The following ARHGAP32 variants were observed in gnomAD, a reference collection of about 807,000 sequenced individuals.
ARHGAP32 encodes the protein Rho GTPase activating protein 32.
A neutral mutation model predicts 186.5 loss-of-function variants in ARHGAP32; 51 were observed. That is an observed-to-expected ratio of 0.27 (90% CI 0.22 to 0.35). The LOEUF is 0.35. Among genes scored for constraint, ARHGAP32 ranks in the 10% least tolerant of loss-of-function variants. ARHGAP32 has a pLI of 1.00. For missense variants in ARHGAP32, 2,186 were observed against 2,623.5 expected (o/e 0.83, Z 3.64); for synonymous variants, 950 against 964.3 (o/e 0.99, Z 0.27).
rs1027393458 is a variant in ARHGAP32, at chr11:128,972,870, CAAG to C, written c.3633_3635del (p.Phe1211del). The C allele has an allele frequency of 2.0e-5, 32 of 1,613,776 alleles. No individual in the cohort carries two copies. The African/African-American group carries it at 3.9e-4, about 20-fold the overall frequency. On this transcript the variant is annotated inframe_deletion, in exon 22 of 23. Coordinates refer to ENST00000682385, the MANE Select transcript of ARHGAP32 (RefSeq NM_001378024.1). Reference sequence around the variant, plus strand: ...AACGGGGTGGAGACTGGTCCTGATCCAAGAAGGAGACAGTTGGCATACTGTTCT... The same window carrying C: ...AACGGGGTGGAGACTGGTCCTGATCCAAGGAGACAGTTGGCATACTGTTCT...
chr11:129,093,746 CATG>C (rs1204493628), intron 5 of ARHGAP32, 39 bp from the exon 6 acceptor site: 4 of 1,399,770 alleles, frequency 2.9e-6, no homozygotes, highest in Non-Finnish European at 4.0e-6. Flanking sequence ...GAAAGAAAGT[CATG>C]ATTAGTAAAC....
chr11:129,137,226 A>G (rs1044684918), intron 2 of ARHGAP32, among the ~76,000 whole-genome samples: 22 of 151,860 alleles, frequency 1.4e-4, no homozygotes, highest in African/African-American at 5.1e-4. Flanking sequence ...GTTTTCTTAC[A>G]CTTAAAAAAA....
chr11:129,017,379 G>A (rs1398955274), intron 11 of ARHGAP32, among the ~76,000 whole-genome samples: 4 of 151,222 alleles, frequency 2.6e-5, no homozygotes, highest in Admixed American at 1.3e-4. Flanking sequence ...ACCTGGAGGC[G>A]GAGGCTGCAG....
intron 1 of ARHGAP32, among the ~76,000 whole-genome samples, chr11:129,269,140 T>C (rs923207034): frequency 2.6e-5 from 4 of 151,918 alleles, no homozygotes; most frequent in African/African-American, 9.7e-5. Flanking sequence ...GACGTGGTGG[T>C]GCACACCTGT....
At chr11:129,272,741 A>G (rs11221630) in intron 1 of ARHGAP32, among the ~76,000 whole-genome samples, 46,942 of 152,136 alleles carry the variant, frequency 0.31, 7,584 homozygotes, top group Middle Eastern at 0.4. Flanking sequence ...GAAAACTGCT[A>G]GAATAGAAGA....
intron 15 of ARHGAP32, 143 bp downstream of exon 15, chr11:128,985,852 GTGTGTGTA>G (rs1215291783): frequency 4.3e-4 from 56 of 129,804 alleles, no homozygotes; most frequent in African/African-American, 5.7e-4. Context: ...GTGTGTGTGT[GTGTGTGTA>G]TATATATATA....
intron 1 of ARHGAP32, among the ~76,000 whole-genome samples, chr11:129,223,459 T>C (rs1368608567): frequency 1.3e-5 from 2 of 152,082 alleles, no homozygotes; most frequent in Admixed American, 6.6e-5. Flanking sequence ...GGCAGTGAAA[T>C]AGACTCTAGG....
At chr11:129,070,695 TA>T (rs914772215) in intron 6 of ARHGAP32, among the ~76,000 whole-genome samples, 17 of 152,166 alleles carry the variant, frequency 1.1e-4, no homozygotes, top group African/African-American at 3.6e-4. Flanking sequence ...TCTGTGAGTC[TA>T]AAATCGTTGT....
In ARHGAP32 at chr11:128,974,785, T is replaced by C; in HGVS notation, c.2412A>G (p.Val804=). Residue 804 remains valine, a synonymous_variant, in exon 21 of 23, where the codon GTA becomes GTG. Coordinates refer to ENST00000682385, the MANE Select transcript of ARHGAP32 (RefSeq NM_001378024.1). The part of the protein sequence containing the change: ...DVDLSPPDIG[V]ASLDFDPMSF... ...ACATTGGATCAAAATCCAGGCTGGCTACTCCAATGTCTGGTGGGCTCAAGT... is the reference window on the plus strand; with the variant it reads ...ACATTGGATCAAAATCCAGGCTGGCCACTCCAATGTCTGGTGGGCTCAAGT... 1.2e-6 allele frequency: 2 copies of C among 1,614,184 alleles called. No homozygotes were observed. The highest frequency in any genetic ancestry group is 1.7e-6 in the Non-Finnish European group (2 of 1,180,008).
At chr11:129,013,006 T>A (rs2134837897) in intron 11 of ARHGAP32, among the ~76,000 whole-genome samples, 1 of 152,308 alleles carries the variant, frequency 6.6e-6, no homozygotes, top group South Asian at 2.1e-4. Context: ...CAACTGGACT[T>A]CCCAGGACAT....
At chr11:129,152,474 C>T (rs1261687480) in intron 2 of ARHGAP32, among the ~76,000 whole-genome samples, 2 of 152,046 alleles carry the variant, frequency 1.3e-5, no homozygotes, top group Non-Finnish European at 2.9e-5. Flanking sequence ...AACACAGATA[C>T]AAAAATCCTC....
intron 5 of ARHGAP32, among the ~76,000 whole-genome samples, chr11:129,098,259 G>A (rs559075894): frequency 6.6e-6 from 1 of 151,948 alleles, no homozygotes; most frequent in Non-Finnish European, 1.5e-5. Context: ...TAATGAAGAA[G>A]TAAGAACTCA....
chr11:129,235,416 AT>A (rs1458398484), intron 1 of ARHGAP32, among the ~76,000 whole-genome samples: 5 of 152,210 alleles, frequency 3.3e-5, no homozygotes, highest in African/African-American at 1.2e-4. Flanking sequence ...ATGTATAAAT[AT>A]GTGTAACCTA....
intron 1 of ARHGAP32, among the ~76,000 whole-genome samples, chr11:129,262,194 C>T (rs9971594): frequency 0.87 from 132,312 of 152,130 alleles, 57,835 homozygotes; most frequent in African/African-American, 0.95. Context: ...AAAAAAAAGT[C>T]TGTATTATCT....
chr11:129,015,533 G>A (rs961359798), intron 11 of ARHGAP32, among the ~76,000 whole-genome samples: 5 of 151,992 alleles, frequency 3.3e-5, no homozygotes, highest in South Asian at 2.1e-4. Flanking sequence ...CACTGTTTCC[G>A]CAATCCTATT....
intron 2 of ARHGAP32, among the ~76,000 whole-genome samples, chr11:129,156,977 A>G (rs192600848): frequency 6.6e-6 from 1 of 152,344 alleles, no homozygotes; most frequent in Admixed American, 6.5e-5. Flanking sequence ...GCAAACCTGC[A>G]GCAGAGGGGC....
chr11:129,233,474 G>C (rs1944885611), intron 1 of ARHGAP32, among the ~76,000 whole-genome samples: 1 of 152,042 alleles, frequency 6.6e-6, no homozygotes, highest in Admixed American at 6.6e-5. Flanking sequence ...ACCTCTTTAA[G>C]AAAGGGCTCT....
Position 128,972,934 on chromosome 11 carries a change from TCAG to T in ARHGAP32, c.3569_3571del (p.Ser1190_Asp1191delinsTyr). The T allele has an allele frequency of 6.2e-7, 1 of 1,614,044 alleles. No homozygotes were observed. Among genetic ancestry groups the T allele is most frequent in the Non-Finnish European group, 8.5e-7 (1 of 1,180,028 alleles). On this transcript the variant is annotated inframe_deletion, in exon 22 of 23. Transcript: ENST00000682385. ...GTCTTCAGGGAAACTTACATGATCA[TCAG>T]ACTTCTCTGAGTCTAAGGGAACTGA...
chr11:129,030,571 A>G lies in ARHGAP32; in HGVS notation c.1045+10357T>C, dbSNP rs537053317. 77 of 152,214 alleles carry G rather than the reference A, an allele frequency of 5.1e-4. 1 individual carries two copies. Among genetic ancestry groups the G allele is most frequent in the African/African-American group, 1.6e-3 (67 of 41,530 alleles). The allele number at this position is 152,214 out of a possible 1,614,324, so 9.4% of individuals were successfully genotyped here. ...CTCACACATGCACTTAACTAGTCTT[A>G]AAGAAAAAAAAAAGGTCTCAGCTTT... On this transcript the variant is annotated intron_variant, in intron 11 of 22. Transcript: ENST00000682385.
Sources: allele counts gnomAD v4.1 joint callset (sites outside exome capture counted in the v4.1 genomes callset), GRCh38; gene constraint gnomAD v4.1.1; transcripts MANE v1.5; gene names NCBI Gene and HGNC (gene_info 2026-07-23, HGNC 2026-07-21).